The following PDE7B variants were observed in gnomAD, a reference collection of about 807,000 sequenced individuals.
The protein encoded by PDE7B is 3',5'-cyclic-AMP phosphodiesterase 7B.
In PDE7B, 29 loss-of-function variants were observed where a neutral mutation model predicts 56.2. That is an observed-to-expected ratio of 0.52 (90% CI 0.38 to 0.70). The LOEUF is 0.70. PDE7B is among the 30% of genes least tolerant of loss of function. The pLI is 0.00. For missense variants in PDE7B, 490 were observed against 565.0 expected, an observed-to-expected ratio of 0.87 and a Z score of 1.35; for synonymous variants, 197 against 196.9, an observed-to-expected ratio of 1.00 and a Z score of 0.00.
chr6:136,037,595 C>A, intron 2 of PDE7B: 1 of 985,454 alleles, frequency 1.0e-6, no homozygotes, highest in Non-Finnish European at 1.2e-6. Context: ...ATTGGCTCTG[C>A]AGACTCTCAG....
At chr6:135,972,210 G>C (rs1027021815) in intron 2 of PDE7B, among the ~76,000 whole-genome samples, 18 of 115,132 alleles carry the variant, frequency 1.6e-4, no homozygotes, top group African/African-American at 7.9e-4. Context: ...CTCCAGCCTG[G>C]GCAACTAGAG....
intron 1 of PDE7B, among the ~76,000 whole-genome samples, chr6:135,888,630 T>C (rs1181756454): frequency 6.6e-6 from 1 of 151,608 alleles, no homozygotes; most frequent in Non-Finnish European, 1.5e-5. Context: ...ATGTCGACAG[T>C]AGGTGTACTA....
At chr6:135,920,344 T>TC (rs1774049713) in intron 1 of PDE7B, among the ~76,000 whole-genome samples, 1 of 152,332 alleles carries the variant, frequency 6.6e-6, no homozygotes, top group South Asian at 2.1e-4. Flanking sequence ...TGTCAAGTCC[T>TC]CCCCATGCTT....
At position 135,976,434 on chromosome 6, in the gene PDE7B, A is replaced by G; in HGVS notation, c.82+28910A>G. 1.3e-5 allele frequency among the ~76,000 whole-genome samples: 2 copies of G among 151,992 alleles called. 1 individual carries two copies. ...GGGAGCTGCTTGATTCCACACCTCT[A>G]CCTGGGGAAGGGCTGCAGTGATAAT... On this transcript the variant is annotated intron_variant, in intron 2 of 12. Coordinates refer to ENST00000308191, the MANE Select transcript of PDE7B (RefSeq NM_018945.4).
intron 2 of PDE7B, chr6:136,048,897 T>A (rs958630188): frequency 1.3e-5 from 2 of 152,118 alleles, no homozygotes; most frequent in Non-Finnish European, 2.9e-5. Context: ...CAAGAAATAA[T>A]ATAGAAATAA....
Position 135,936,299 on chromosome 6 carries a change from C to T in PDE7B, c.22-11165C>T, listed in dbSNP as rs563190058. On this transcript the variant is annotated intron_variant, in intron 1 of 12. Coordinates refer to ENST00000308191, the MANE Select transcript of PDE7B (RefSeq NM_018945.4). ...GAATCATGATGTCTGGAGATCTGGA[C>T]ATCAGATAGGCAAATATCTGGAGAT... is the stretch of plus-strand genomic sequence containing the variant. Among the ~76,000 whole-genome samples, 4 of 152,282 alleles carry T rather than the reference C, an allele frequency of 2.6e-5. No homozygotes were observed. The East Asian group carries it at 7.7e-4, about 29-fold the overall frequency.
At chr6:135,919,780 T>C (rs756825011) in intron 1 of PDE7B, among the ~76,000 whole-genome samples, 14 of 152,232 alleles carry the variant, frequency 9.2e-5, no homozygotes, top group Non-Finnish European at 1.5e-4. Flanking sequence ...GTTAGGATAG[T>C]ATCTGATCCA....
intron 3 of PDE7B, among the ~76,000 whole-genome samples, chr6:136,127,801 G>C (rs1778047778): frequency 6.6e-6 from 1 of 152,180 alleles, no homozygotes; most frequent in Non-Finnish European, 1.5e-5. Context: ...AGGGGGTTTT[G>C]ACCAAGTCAT....
chr6:136,105,692 G>A (rs1044009038), intron 2 of PDE7B, among the ~76,000 whole-genome samples: 4 of 152,290 alleles, frequency 2.6e-5, no homozygotes, highest in Non-Finnish European at 4.4e-5. Context: ...GGACTTCAGA[G>A]TGATTACTGA....
At chr6:135,919,089 C>A (rs1340380081) in intron 1 of PDE7B, among the ~76,000 whole-genome samples, 1 of 152,172 alleles carries the variant, frequency 6.6e-6, no homozygotes, top group East Asian at 1.9e-4. Context: ...GGGAGTTACT[C>A]TCCCGGGTAA....
intron 2 of PDE7B, among the ~76,000 whole-genome samples, chr6:136,052,973 T>C (rs1468878104): frequency 6.6e-6 from 1 of 152,122 alleles, no homozygotes; most frequent in Non-Finnish European, 1.5e-5. Flanking sequence ...TCCTATCCCA[T>C]TGGCTCCACT....
chr6:135,926,857 A>C (rs1422441228), intron 1 of PDE7B, among the ~76,000 whole-genome samples: 1 of 152,198 alleles, frequency 6.6e-6, no homozygotes, highest in African/African-American at 2.4e-5. Context: ...AAGAAAAATC[A>C]GCAGTAGTGA....
intron 2 of PDE7B, among the ~76,000 whole-genome samples, chr6:136,048,499 C>A (rs907854280): frequency 6.6e-6 from 1 of 151,952 alleles, no homozygotes; most frequent in African/African-American, 2.4e-5. Flanking sequence ...AACACAGGAC[C>A]AAATGCAACA....
chr6:136,080,054 G>A (rs570160133), intron 2 of PDE7B, among the ~76,000 whole-genome samples: 30 of 152,104 alleles, frequency 2.0e-4, no homozygotes, highest in African/African-American at 6.0e-4. Context: ...ACGCTATCAC[G>A]AGGAGAGGGG....
At chr6:136,056,501 C>CAGAT (rs1334318533) in intron 2 of PDE7B, among the ~76,000 whole-genome samples, 1 of 124,778 alleles carries the variant, frequency 8.0e-6, no homozygotes, top group Non-Finnish European at 1.6e-5. Context: ...AGCTCCTTTG[C>CAGAT]AGATAGAATC....
chr6:135,998,672 C>A (rs1440772512), intron 2 of PDE7B, among the ~76,000 whole-genome samples: 1 of 151,874 alleles, frequency 6.6e-6, no homozygotes, highest in Non-Finnish European at 1.5e-5. Context: ...AGGAGAATGG[C>A]GTGAACCCGG....
chr6:136,060,719 AAAT>A (rs1234296709), intron 2 of PDE7B, among the ~76,000 whole-genome samples: 1 of 152,176 alleles, frequency 6.6e-6, no homozygotes, highest in Non-Finnish European at 1.5e-5. Context: ...GTAAAAACCT[AAAT>A]AAGAAGGCTT....
chr6:136,102,016 CTG>C (rs1287987676), intron 2 of PDE7B, among the ~76,000 whole-genome samples: 1 of 152,158 alleles, frequency 6.6e-6, no homozygotes, highest in Admixed American at 6.5e-5. Flanking sequence ...TTCCTGGTCT[CTG>C]TTGTGGAGAA....
chr6:136,110,719 T>C (rs548167537), intron 3 of PDE7B, among the ~76,000 whole-genome samples: 1 of 152,164 alleles, frequency 6.6e-6, no homozygotes, highest in South Asian at 2.1e-4. Context: ...AACATTTTTT[T>C]TTTTTTTTTT....
Sources: gnomAD v4.1 joint callset for allele counts (sites outside exome capture counted in the v4.1 genomes callset) on GRCh38, gnomAD v4.1.1 for gene constraint, MANE v1.5 for transcripts, NCBI Gene and HGNC (gene_info 2026-07-23, HGNC 2026-07-21) for gene names.